Variants in RC3H1 observed in about 807,000 individuals in gnomAD.
The protein encoded by RC3H1 is roquin-1.
In RC3H1, 50 loss-of-function variants were observed where a neutral mutation model predicts 138.2. That is an observed-to-expected ratio of 0.36 (90% confidence interval 0.29 to 0.46). The LOEUF is 0.46. RC3H1 is among the 20% of genes least tolerant of loss of function. RC3H1 has a pLI of 1.00. For missense variants in RC3H1, 1,031 were observed against 1,388.1 expected, an observed-to-expected ratio of 0.74 and a Z score of 4.09; for synonymous variants, 462 against 489.1, an observed-to-expected ratio of 0.94 and a Z score of 0.73.
chr1:173,991,478 G>T (rs1661285863), intron 2 of RC3H1, among the ~76,000 whole-genome samples: 1 of 152,034 alleles, frequency 6.6e-6, no homozygotes, highest in Admixed American at 6.6e-5. Flanking sequence ...TTGCCTAATT[G>T]CCCTAGCTAG....
In RC3H1 at chr1:173,943,603, T is replaced by C. The variant is rs1456583063; in HGVS notation, c.2974A>G (p.Arg992Gly). 1 of 1,612,824 alleles carries C rather than the reference T, an allele frequency of 6.2e-7. No homozygotes were observed. The change falls in exon 18 of 20, where the codon AGG (arginine) becomes GGG (glycine). Residue 992 changes from arginine (R) to glycine (G), a missense_variant. Around this residue, in one of 7 missense-constraint regions of RC3H1, gnomAD observed 716 missense variants for 837.9 expected, o/e 0.85. Transcript: ENST00000367696. ...QLRGLEAVSN[R>G]LVLQREANTL... ...TTTGCCTCCCTCTGCAACACCAGCC[T>C]GTTACTAACAGCCTAGTGCATAAAG...
rs778339381 is a variant in RC3H1 at position 173,993,025 on chromosome 1, CA to C, written c.-41del. On this transcript the variant is annotated 5_prime_UTR_variant, in exon 2 of 20. Coordinates refer to ENST00000367696, the MANE Select transcript of RC3H1 (RefSeq NM_172071.4). ...CAATTCACGAACACAAACACACACA[CA>C]AATCTAAAGCAAAGATTCCACTGGA... 7.1e-7 allele frequency: 1 copy of C among 1,408,998 alleles called. No homozygotes were observed. The highest frequency in any genetic ancestry group is 1.7e-5 in the Admixed American group (1 of 58,932). The allele number at this position is 1,408,998 out of a possible 1,614,324, so 87.3% of individuals were successfully genotyped here.
intron 3 of RC3H1, 54 bp downstream of exon 3, chr1:173,984,445 G>C: frequency 6.4e-7 from 1 of 1,561,716 alleles, no homozygotes; most frequent in Non-Finnish European, 8.7e-7. Flanking sequence ...ATTATGTACT[G>C]AGTATTTAAA....
chr1:173,962,512 G>A lies in RC3H1; in HGVS notation c.1832-417C>T, dbSNP rs138917331. Among the ~76,000 whole-genome samples, 171 of 152,296 alleles carry A rather than the reference G, an allele frequency of 1.1e-3. 1 individual carries two copies. Among genetic ancestry groups the A allele is most frequent in the African/African-American group, 3.7e-3 (152 of 41,560 alleles). On this transcript the variant is annotated intron_variant, in intron 11 of 19. Transcript: ENST00000367696. Reference sequence around the variant, plus strand: ...AACACAAAAGGCCAATTTTGCTGGCGCAGATTAGTAGCTACTGCTTGGCTC... The same window carrying A: ...AACACAAAAGGCCAATTTTGCTGGCACAGATTAGTAGCTACTGCTTGGCTC...
intron 1 of RC3H1, among the ~76,000 whole-genome samples, chr1:174,008,953 G>C (rs2103087814): frequency 6.9e-6 from 1 of 144,354 alleles, no homozygotes; most frequent in African/African-American, 2.7e-5. Flanking sequence ...CTCCAGCCTA[G>C]GCAACAGAGT....
At chr1:174,003,419 ACG>A (rs1491359219) in intron 1 of RC3H1, among the ~76,000 whole-genome samples, 127 of 150,498 alleles carry the variant, frequency 8.4e-4, no homozygotes, top group African/African-American at 3.0e-3. Context: ...ACACACACAC[ACG>A]TACGGGGAAT....
rs940764186 is a variant in RC3H1, at chr1:173,940,608, T to C, written c.3251+657A>G. Among the ~76,000 whole-genome samples, 12 of 151,980 alleles carry C rather than the reference T, an allele frequency of 7.9e-5. 1 individual carries two copies. The highest frequency in any genetic ancestry group is 4.1e-4 in the South Asian group (2 of 4,824). ...TTCCTAAAGCTAATTTTTTATAATATATTTAAGATGGGGGAGTGACTTTAT... is the reference window on the plus strand; with the variant it reads ...TTCCTAAAGCTAATTTTTTATAATACATTTAAGATGGGGGAGTGACTTTAT... On this transcript the variant is annotated intron_variant, in intron 19 of 19. Transcript: ENST00000367696.
chr1:173,985,560 T>C (rs987274056), intron 2 of RC3H1, among the ~76,000 whole-genome samples: 3 of 152,184 alleles, frequency 2.0e-5, no homozygotes, highest in Non-Finnish European at 2.9e-5. Context: ...CATATACTTA[T>C]GGGGTACAAT....
At chr1:173,988,191 T>G (rs1405717193) in intron 2 of RC3H1, among the ~76,000 whole-genome samples, 1 of 152,208 alleles carries the variant, frequency 6.6e-6, no homozygotes, top group African/African-American at 2.4e-5. Context: ...CATAAAGAAC[T>G]GTTTTACTGC....
chr1:173,933,892 T>G lies in RC3H1; in HGVS notation c.*4829A>C, dbSNP rs1658480246. The G allele has an allele frequency of 1.3e-5, 2 of 152,154 alleles. No homozygotes were observed. 9.4% of individuals were successfully genotyped at this position (152,154 alleles called of 1,614,324 possible). A position where few individuals can be genotyped will look rare whatever the true frequency, so the allele number is the denominator to read the frequency against. ...GATTTTTCAGGGGAAGAGATCACCT[T>G]GCAACACTGTAACCATATCATCAGT... On this transcript the variant is annotated 3_prime_UTR_variant, in exon 20 of 20. Coordinates refer to ENST00000367696, the MANE Select transcript of RC3H1 (RefSeq NM_172071.4).
At chr1:173,983,017 G>A in intron 4 of RC3H1, 115 bp from the exon 5 acceptor site, 7 of 895,122 alleles carry the variant, frequency 7.8e-6, no homozygotes, top group Non-Finnish European at 1.0e-5. Flanking sequence ...TGGCAATACA[G>A]TTAAGATTAA....
intron 11 of RC3H1, among the ~76,000 whole-genome samples, chr1:173,962,950 T>C (rs893381599): frequency 6.6e-6 from 1 of 152,166 alleles, no homozygotes; most frequent in Non-Finnish European, 1.5e-5. Context: ...TGATTCAAAA[T>C]TAAATGACAG....
intron 3 of RC3H1, 81 bp downstream of exon 3, chr1:173,984,418 C>A: frequency 7.3e-7 from 1 of 1,371,290 alleles, no homozygotes; most frequent in South Asian, 1.6e-5. Context: ...TTGGGAATTC[C>A]TCAGGACTTA....
At chr1:173,942,577 A>G (rs1428905436) in intron 18 of RC3H1, among the ~76,000 whole-genome samples, 2 of 152,112 alleles carry the variant, frequency 1.3e-5, no homozygotes, top group African/African-American at 4.8e-5. Flanking sequence ...TCACACCTGT[A>G]ATCCCAGCAC....
At position 173,983,411 on chromosome 1, in the gene RC3H1, T is replaced by C; in HGVS notation, c.592+7A>G. The stretch of plus-strand genomic sequence containing the variant: ...AGCAGAATAAATACCTAAAGTTAAT[T>C]ATGTACCTGGTCCAAGGAACTGGCA... On this transcript the variant is annotated splice_region_variant and intron_variant, in intron 4 of 19. Transcript: ENST00000367696. 6.2e-7 allele frequency: 1 copy of C among 1,613,892 alleles called. No homozygotes were observed. The highest frequency in any genetic ancestry group is 8.5e-7 in the Non-Finnish European group (1 of 1,179,868).
chr1:173,950,026 G>A (rs781435387), intron 14 of RC3H1, among the ~76,000 whole-genome samples: 3 of 151,872 alleles, frequency 2.0e-5, no homozygotes, highest in Non-Finnish European at 4.4e-5. Flanking sequence ...AAAATTAGCC[G>A]GGCATGGTGG....
At position 173,931,087 on chromosome 1, in the gene RC3H1, G is replaced by C. The variant is rs1273051758; in HGVS notation, c.*7634C>G. 1 of 152,180 alleles carries C rather than the reference G, an allele frequency of 6.6e-6. No homozygotes were observed. Among genetic ancestry groups the C allele is most frequent in the Non-Finnish European group, 1.5e-5 (1 of 68,038 alleles). 9.4% of individuals were successfully genotyped at this position (152,180 alleles called of 1,614,324 possible). A position where few individuals can be genotyped will look rare whatever the true frequency, so the allele number is the denominator to read the frequency against. ...ACAAAATTGGCTACTCCAAGTATGT[G>C]TTTGCTCATGCAGATTAGCCATTTC... On this transcript the variant is annotated 3_prime_UTR_variant, in exon 20 of 20. Coordinates refer to ENST00000367696, the MANE Select transcript of RC3H1 (RefSeq NM_172071.4).
At chr1:173,975,617 G>GTGAGTTACATAAATTATATTT (rs1170222117) in intron 7 of RC3H1, among the ~76,000 whole-genome samples, 1 of 121,436 alleles carries the variant, frequency 8.2e-6, no homozygotes, top group African/African-American at 5.0e-5. Context: ...CAGTAAATTT[G>GTGAGTTACATAAATTATATTT]GCCGGGCGCG....
chr1:173,989,027 T>C (rs1189224133), intron 2 of RC3H1, among the ~76,000 whole-genome samples: 1 of 152,228 alleles, frequency 6.6e-6, no homozygotes, highest in Non-Finnish European at 1.5e-5. Flanking sequence ...TCTTTGTTTT[T>C]TGTTGTTGCT....
Sources: gnomAD v4.1 joint callset for allele counts (sites outside exome capture counted in the v4.1 genomes callset) on GRCh38, gnomAD v4.1.1 for gene constraint, gnomAD v4.1.1 regional missense constraint, MANE v1.5 for transcripts, NCBI Gene and HGNC (gene_info 2026-07-23, HGNC 2026-07-21) for gene names.